KCNJ6: variants seen among roughly 807,000 people sequenced by gnomAD.
KCNJ6 encodes G protein-activated inward rectifier potassium channel 2.
Under a neutral mutation model 34.2 loss-of-function variants are expected in KCNJ6, and 9 were observed. The observed-to-expected ratio is 0.26, with a 90% CI of 0.16 to 0.46. The LOEUF (loss-of-function observed/expected upper bound fraction) is 0.46. Ranked by LOEUF, KCNJ6 falls within the 20% of genes least tolerant of loss-of-function variation. KCNJ6 has a pLI of 1.00. For missense variants in KCNJ6, 236 were observed against 531.3 expected (o/e 0.44, Z 5.46); for synonymous variants, 196 against 207.1 (o/e 0.95, Z 0.46).
intron 2 of KCNJ6, among the ~76,000 whole-genome samples, chr21:37,728,698 G>GTGTATA (rs1491321788): frequency 2.0e-5 from 3 of 150,208 alleles, no homozygotes; most frequent in African/African-American, 7.4e-5. Context: ...GTGTGTGTGT[G>GTGTATA]TATATATATA....
intron 2 of KCNJ6, among the ~76,000 whole-genome samples, chr21:37,822,420 A>G (rs766879548): frequency 1.3e-5 from 2 of 152,062 alleles, no homozygotes; most frequent in Non-Finnish European, 2.9e-5. Context: ...ACAGCAGCCA[A>G]TATCCCAGGA....
At chr21:37,673,462 T>G (rs2054550938) in intron 3 of KCNJ6, among the ~76,000 whole-genome samples, 1 of 152,240 alleles carries the variant, frequency 6.6e-6, no homozygotes, top group East Asian at 1.9e-4. Flanking sequence ...CCAGGCTTCC[T>G]TTTCTCAGGG....
intron 3 of KCNJ6, among the ~76,000 whole-genome samples, chr21:37,631,407 A>T (rs1047538721): frequency 3.3e-5 from 5 of 152,248 alleles, no homozygotes; most frequent in African/African-American, 1.2e-4. Flanking sequence ...TACAAAATTC[A>T]TAATTTGAAT....
chr21:37,857,451 A>C (rs2055570867), intron 1 of KCNJ6, among the ~76,000 whole-genome samples: 1 of 152,236 alleles, frequency 6.6e-6, no homozygotes, highest in African/African-American at 2.4e-5. Context: ...GACTGGAGGA[A>C]GCAGAGAGAC....
chr21:37,712,291 C>T (rs1316653124), intron 3 of KCNJ6, among the ~76,000 whole-genome samples: 2 of 152,172 alleles, frequency 1.3e-5, no homozygotes, highest in African/African-American at 2.4e-5. Context: ...AAAAGAAAAA[C>T]TGCATCCTGA....
At chr21:37,773,202 G>A (rs959277757) in intron 2 of KCNJ6, among the ~76,000 whole-genome samples, 6 of 152,086 alleles carry the variant, frequency 3.9e-5, no homozygotes, top group Admixed American at 3.9e-4. Context: ...TGCCCACATG[G>A]GATGGCTGTG....
At chr21:37,718,090 CATTGAGGGTTGGCCATGGTG>C (rs1230288107) in intron 2 of KCNJ6, among the ~76,000 whole-genome samples, 1 of 152,290 alleles carries the variant, frequency 6.6e-6, no homozygotes, top group South Asian at 2.1e-4. Context: ...ATCCTCTTTG[CATTGAGGGTTGGCCATGGTG>C]ATTGAGTCTT....
At chr21:37,851,114 C>G (rs1009690434) in intron 1 of KCNJ6, among the ~76,000 whole-genome samples, 1 of 152,138 alleles carries the variant, frequency 6.6e-6, no homozygotes, top group Non-Finnish European at 1.5e-5. Context: ...CTTAATCAGA[C>G]AGGGAACCCA....
intron 2 of KCNJ6, among the ~76,000 whole-genome samples, chr21:37,782,828 T>C (rs990681771): frequency 6.6e-5 from 10 of 152,172 alleles, no homozygotes; most frequent in African/African-American, 2.4e-4. Context: ...GGATTATGCC[T>C]GTTGTCTTGG....
At chr21:37,651,365 A>T (rs545128226) in intron 3 of KCNJ6, among the ~76,000 whole-genome samples, 5 of 152,324 alleles carry the variant, frequency 3.3e-5, no homozygotes, top group Admixed American at 1.3e-4. Context: ...GTAAGAAGGC[A>T]TTGGAGAGTT....
chr21:37,895,183 C>G (rs371776004), intron 1 of KCNJ6, among the ~76,000 whole-genome samples: 16 of 152,260 alleles, frequency 1.1e-4, no homozygotes, highest in African/African-American at 3.6e-4. Flanking sequence ...AAATAATAGC[C>G]CTGGGATTTA....
At chr21:37,866,478 ACCAG>A in intron 1 of KCNJ6, among the ~76,000 whole-genome samples, 2 of 152,048 alleles carry the variant, frequency 1.3e-5, no homozygotes, top group Non-Finnish European at 2.9e-5. Flanking sequence ...TCTTCACTGA[ACCAG>A]GAGCCCGACC....
intron 2 of KCNJ6, among the ~76,000 whole-genome samples, chr21:37,774,959 CCCA>C (rs1405752024): frequency 6.6e-6 from 1 of 152,166 alleles, no homozygotes; most frequent in Non-Finnish European, 1.5e-5. Context: ...AGTTTACAGT[CCCA>C]CCAACAGTGT....
intron 1 of KCNJ6, among the ~76,000 whole-genome samples, chr21:37,904,995 C>T (rs887742392): frequency 1.3e-5 from 2 of 152,174 alleles, no homozygotes; most frequent in African/African-American, 4.8e-5. Flanking sequence ...CTGCCCAGCA[C>T]CGCTATTTAT....
intron 3 of KCNJ6, among the ~76,000 whole-genome samples, chr21:37,666,975 C>T (rs866306479): frequency 6.7e-6 from 1 of 149,862 alleles, no homozygotes; most frequent in Non-Finnish European, 1.5e-5. Flanking sequence ...GAGTCATCAC[C>T]ACTCCCTAAT....
intron 1 of KCNJ6, among the ~76,000 whole-genome samples, chr21:37,910,866 T>A (rs991142581): frequency 2.6e-5 from 4 of 152,232 alleles, no homozygotes; most frequent in Non-Finnish European, 5.9e-5. Context: ...GCATTCCATA[T>A]AAAATCAGAT....
chr21:37,643,257 G>A (rs2054389191), intron 3 of KCNJ6, among the ~76,000 whole-genome samples: 1 of 152,098 alleles, frequency 6.6e-6, no homozygotes, highest in African/African-American at 2.4e-5. Context: ...CAGTCAAGTG[G>A]AAAAAACAGT....
At chr21:37,711,596 G>A (rs1027058178) in intron 3 of KCNJ6, among the ~76,000 whole-genome samples, 2 of 152,016 alleles carry the variant, frequency 1.3e-5, no homozygotes, top group African/African-American at 4.8e-5. Context: ...TTTTCCTGTG[G>A]TTTTGAGAGA....
intron 2 of KCNJ6, among the ~76,000 whole-genome samples, chr21:37,763,101 G>A (rs2123497142): frequency 6.6e-6 from 1 of 152,238 alleles, no homozygotes; most frequent in African/African-American, 2.4e-5. Flanking sequence ...GGCATCTGAT[G>A]ATGGCATGTG....
Sources: gnomAD v4.1 joint callset for allele counts (sites outside exome capture counted in the v4.1 genomes callset) on GRCh38, gnomAD v4.1.1 for gene constraint, MANE v1.5 for transcripts, NCBI Gene and HGNC (gene_info 2026-07-23, HGNC 2026-07-21) for gene names.